The following ENTPD1 variants were observed in gnomAD, a reference collection of about 807,000 sequenced individuals.
ENTPD1 encodes ATP diphosphohydrolase.
ENTPD1 carries 33 observed loss-of-function variants against 57.0 expected under a neutral mutation model. That is an observed-to-expected ratio of 0.58 (90% CI 0.44 to 0.77). ENTPD1 has a LOEUF of 0.77. Among genes scored for constraint, ENTPD1 ranks in the 30% least tolerant of loss-of-function variants. The probability of loss-of-function intolerance (pLI) is 0.00; values close to 1 mark genes in which losing one functional copy is unlikely to be tolerated. For missense variants in ENTPD1, 501 were observed against 603.4 expected, an observed-to-expected ratio of 0.83 and a Z score of 1.78; for synonymous variants, 202 against 218.8, an observed-to-expected ratio of 0.92 and a Z score of 0.68.
chr10:95,791,598 C>G lies in ENTPD1; in HGVS notation c.17-31639C>G, dbSNP rs2098203980. ...GCTTAGACTACCTGGATATGCACTT[C>G]TGTCCCATCAGTGGAGAATTTTACT... On this transcript the variant is annotated intron_variant, in intron 1 of 9. Transcript: ENST00000371205. This position sits in a 1 kb window ranked among gnomAD's most constrained non-coding sequence, Gnocchi z 4.1. Among the ~76,000 whole-genome samples, 2 of 152,242 alleles carry G rather than the reference C, an allele frequency of 1.3e-5. No individual in the cohort carries two copies. The highest frequency in any genetic ancestry group is 4.8e-5 in the African/African-American group (2 of 41,474).
chr10:95,809,575 G>C (rs1425879417), intron 1 of ENTPD1, among the ~76,000 whole-genome samples: 3 of 85,032 alleles, frequency 3.5e-5, no homozygotes, highest in African/African-American at 1.1e-4. Context: ...GGGCAGAGGC[G>C]CCCCCCCACC....
intron 1 of ENTPD1, among the ~76,000 whole-genome samples, chr10:95,822,396 A>G (rs1160572279): frequency 6.6e-6 from 1 of 151,914 alleles, no homozygotes; most frequent in Non-Finnish European, 1.5e-5. Context: ...TCCGGGGTTC[A>G]AGCGATTCTC....
intron 1 of ENTPD1, among the ~76,000 whole-genome samples, chr10:95,776,530 CT>C (rs957285322): frequency 2.6e-5 from 4 of 152,212 alleles, no homozygotes; most frequent in African/African-American, 9.7e-5. Flanking sequence ...ATGGGCTTCC[CT>C]TTGTGGGTAA....
chr10:95,721,680 C>T (rs1432613331), intron 1 of ENTPD1, among the ~76,000 whole-genome samples: 1 of 119,476 alleles, frequency 8.4e-6, no homozygotes, highest in Non-Finnish European at 1.8e-5. Flanking sequence ...GGTAATGTTT[C>T]CTATCTGAAA....
chr10:95,868,778 A>AGTCTAATTGT lies in ENTPD1; in HGVS notation c.*2399_*2400insAATTGTGTCT. ...CAGCAAGTTGGAATTAGACTTCACAAGTCTCCTTCAGAGAACACAAATCTT... is the reference window on the plus strand; with the variant it reads ...CAGCAAGTTGGAATTAGACTTCACAAGTCTAATTGTGTCTCCTTCAGAGAACACAAATCTT... On this transcript the variant is annotated 3_prime_UTR_variant, in exon 10 of 10. Transcript: ENST00000371205. 1 of 985,352 alleles carries AGTCTAATTGT rather than the reference A, an allele frequency of 1.0e-6. No homozygotes were observed. Among genetic ancestry groups the AGTCTAATTGT allele is most frequent in the Non-Finnish European group, 1.2e-6 (1 of 829,914 alleles). The allele number at this position is 985,352 out of a possible 1,614,324, so 61.0% of individuals were successfully genotyped here. A position where few individuals can be genotyped will look rare whatever the true frequency, so the allele number is the denominator to read the frequency against.
chr10:95,834,482 C>T (rs1426950842), intron 2 of ENTPD1, among the ~76,000 whole-genome samples: 1 of 152,058 alleles, frequency 6.6e-6, no homozygotes, highest in African/African-American at 2.4e-5. Context: ...AACCATGAGA[C>T]CTATGGGCAA....
At chr10:95,722,911 T>A (rs1246457610) in intron 1 of ENTPD1, among the ~76,000 whole-genome samples, 1 of 152,260 alleles carries the variant, frequency 6.6e-6, no homozygotes, top group African/African-American at 2.4e-5. Flanking sequence ...GCTACCATTT[T>A]GCTTTTTTGA....
chr10:95,858,984 G>A (rs1253808922), intron 7 of ENTPD1, among the ~76,000 whole-genome samples: 5 of 152,056 alleles, frequency 3.3e-5, no homozygotes, highest in African/African-American at 9.7e-5. Context: ...GTGTGTGTTT[G>A]TATATGATTA....
chr10:95,724,678 G>A (rs182208436), intron 1 of ENTPD1, among the ~76,000 whole-genome samples: 2 of 152,342 alleles, frequency 1.3e-5, no homozygotes, highest in Admixed American at 6.5e-5. Context: ...GAGTGCAGCA[G>A]ACACCCTGCT....
At chr10:95,735,626 C>T (rs1449179499) in intron 1 of ENTPD1, among the ~76,000 whole-genome samples, 3 of 152,098 alleles carry the variant, frequency 2.0e-5, no homozygotes, top group Admixed American at 1.3e-4. Flanking sequence ...GATGGAGTCT[C>T]GCCCTGTTGC....
chr10:95,803,083 G>C (rs2098257083), intron 1 of ENTPD1, among the ~76,000 whole-genome samples: 1 of 152,108 alleles, frequency 6.6e-6, no homozygotes, highest in Non-Finnish European at 1.5e-5. Context: ...GTTTGTTCTA[G>C]TTCTGTGAAG....
chr10:95,828,466 A>G (rs2098385526), intron 2 of ENTPD1, among the ~76,000 whole-genome samples: 1 of 152,168 alleles, frequency 6.6e-6, no homozygotes, highest in African/African-American at 2.4e-5. Context: ...AATGCACTTG[A>G]ATCATCCCAA....
At chr10:95,727,086 GT>G (rs1183760133) in intron 1 of ENTPD1, among the ~76,000 whole-genome samples, 7 of 152,070 alleles carry the variant, frequency 4.6e-5, no homozygotes, top group African/African-American at 1.7e-4. Flanking sequence ...AATTTGTCCC[GT>G]GTAGTCCAAG....
rs569150877 is a variant in ENTPD1 at position 95,866,785 on chromosome 10, A to ACT, written c.*405_*406dup. 6.5e-3 allele frequency: 7,174 copies of ACT among 1,098,792 alleles called. 25 individuals carry two copies. Among genetic ancestry groups the ACT allele is most frequent in the Non-Finnish European group, 7.5e-3 (6,753 of 897,232 alleles). 68.1% of individuals were successfully genotyped at this position (1,098,792 alleles called of 1,614,324 possible). On this transcript the variant is annotated 3_prime_UTR_variant, in exon 10 of 10. Transcript: ENST00000371205. ...GAATCTCAGGAACTGGTTCAGTTGT[A>ACT]CTCTTTAAGAACCCCTTTCTCTCTC...
intron 2 of ENTPD1, among the ~76,000 whole-genome samples, chr10:95,826,485 A>G (rs1036135694): frequency 2.0e-5 from 3 of 151,548 alleles, no homozygotes; most frequent in African/African-American, 7.3e-5. Flanking sequence ...AGGTGCGAGA[A>G]TCACTTGGGC....
At chr10:95,790,280 T>C (rs971010847) in intron 1 of ENTPD1, among the ~76,000 whole-genome samples, 15 of 152,234 alleles carry the variant, frequency 9.9e-5, no homozygotes, top group African/African-American at 3.6e-4. Context: ...AACATTTTCT[T>C]TTATGTAGCT....
intron 1 of ENTPD1, among the ~76,000 whole-genome samples, chr10:95,727,576 C>G (rs2097984992): frequency 6.6e-6 from 1 of 152,178 alleles, no homozygotes; most frequent in South Asian, 2.1e-4. Context: ...ACCTCCAATC[C>G]CACCATTTGC....
At chr10:95,698,286 A>T in the ENTPD1 span, among the ~76,000 whole-genome samples, 1 of 152,242 alleles carries the variant, frequency 6.6e-6, no homozygotes, top group Non-Finnish European at 1.5e-5. Flanking sequence ...CCTAAGCCAA[A>T]TATAGAAGGA....
At chr10:95,757,091 T>G (rs2098029681) in intron 1 of ENTPD1, among the ~76,000 whole-genome samples, 1 of 152,214 alleles carries the variant, frequency 6.6e-6, no homozygotes, top group South Asian at 2.1e-4. Context: ...GTAAACCTCC[T>G]TCTCCTCCTT....
Sources: allele counts gnomAD v4.1 joint callset (sites outside exome capture counted in the v4.1 genomes callset), GRCh38; gene constraint gnomAD v4.1.1; non-coding constraint Gnocchi (gnomAD v3.1); transcripts MANE v1.5; gene names NCBI Gene and HGNC (gene_info 2026-07-23, HGNC 2026-07-21).